Variants in CR1 observed in about 807,000 individuals in gnomAD.
CR1 encodes complement receptor type 1.
A neutral mutation model predicts 187.3 loss-of-function variants in CR1; 116 were observed. The ratio of observed to expected loss-of-function variants is 0.62; its 90% CI spans 0.53 to 0.72. CR1 has a LOEUF of 0.72. CR1 is among the 30% of genes least tolerant of loss of function. CR1 has a pLI of 0.00. For synonymous variants in CR1, 576 were observed against 747.1 expected, an observed-to-expected ratio of 0.77 and a Z score of 3.73; for missense variants, 1,731 against 2,110.7, an observed-to-expected ratio of 0.82 and a Z score of 3.52.
chr1:207,577,856 C>G lies in CR1; in HGVS notation c.4589C>G (p.Thr1530Ser). The G allele has an allele frequency of 6.2e-7, 1 of 1,613,864 alleles. No individual in the cohort carries two copies. Among genetic ancestry groups the G allele is most frequent in the Non-Finnish European group, 8.5e-7 (1 of 1,179,864 alleles). ...ATCGCCAATGGAGATTTCATTAGCA[C>G]CAACAGAGAGAATTTTCACTATGGA... is the stretch of plus-strand genomic sequence containing the variant. ...PTIANGDFIS[T>S]NRENFHYGSV... Residue 1530 changes from threonine to serine, a missense_variant, in exon 29 of 47, where the codon ACC becomes AGC. Physicochemically the swap from Thr to Ser is moderately conservative, Grantham distance 58. This residue lies in a region of CR1 where 1,312 missense variants were observed against 1,379.6 expected (regional missense o/e 0.95). Coordinates refer to ENST00000367049, the MANE Select transcript of CR1 (RefSeq NM_000651.6).
At chr1:207,629,844 A>T (rs1443041933) in intron 45 of CR1, among the ~76,000 whole-genome samples, 1 of 152,198 alleles carries the variant, frequency 6.6e-6, no homozygotes, top group Non-Finnish European at 1.5e-5. Context: ...CTCACTCTCT[A>T]TGAGACCCTG....
At chr1:207,626,977 G>A (rs1238975035) in intron 45 of CR1, among the ~76,000 whole-genome samples, 1 of 152,164 alleles carries the variant, frequency 6.6e-6, no homozygotes, top group Non-Finnish European at 1.5e-5. Context: ...GGTGGAGGTT[G>A]CAGTGAGTTG....
At chr1:207,582,928 T>G (rs1661001779) in intron 32 of CR1, among the ~76,000 whole-genome samples, 1 of 152,292 alleles carries the variant, frequency 6.6e-6, no homozygotes, top group Middle Eastern at 3.4e-3. Context: ...GCTTGGGACA[T>G]AACTTTAGTG....
chr1:207,619,341 C>G (rs1662243423), intron 42 of CR1, among the ~76,000 whole-genome samples: 1 of 145,752 alleles, frequency 6.9e-6, no homozygotes, highest in African/African-American at 2.6e-5. Context: ...CCAGATCGCG[C>G]CACTGCACTC....
intron 32 of CR1, among the ~76,000 whole-genome samples, chr1:207,582,561 A>T (rs543269574): frequency 2.0e-5 from 3 of 152,230 alleles, no homozygotes; most frequent in African/African-American, 7.2e-5. Context: ...TAATTGAGTC[A>T]GTGCTGTCAA....
intron 1 of CR1, among the ~76,000 whole-genome samples, chr1:207,499,862 T>G (rs942958975): frequency 1.7e-4 from 26 of 152,286 alleles, no homozygotes; most frequent in African/African-American, 6.0e-4. Flanking sequence ...AAAATAAGCT[T>G]CACATTTGGA....
rs1659081832 is a variant in CR1, at chr1:207,496,360, G to A, written c.93G>A (p.Val31=). The change falls in exon 1 of 47, where the codon GTG becomes GTA. Residue 31 remains valine, a synonymous_variant. Coordinates refer to ENST00000367049, the MANE Select transcript of CR1 (RefSeq NM_000651.6). ...FCCGGSLLAV[V]VLLALPVAWG... Reference sequence around the variant, plus strand: ...GCGGAGGATCCCTGCTGGCGGTTGTGGTGCTGCTTGCGCTGCCGGTGGCCT... The same window carrying A: ...GCGGAGGATCCCTGCTGGCGGTTGTAGTGCTGCTTGCGCTGCCGGTGGCCT... 6.2e-7 allele frequency: 1 copy of A among 1,611,738 alleles called. No homozygotes were observed. The highest frequency in any genetic ancestry group is 8.5e-7 in the Non-Finnish European group (1 of 1,179,386).
At chr1:207,607,974 T>C (rs1661801471) in intron 36 of CR1, among the ~76,000 whole-genome samples, 1 of 152,180 alleles carries the variant, frequency 6.6e-6, no homozygotes. Context: ...GCAGCAAAAG[T>C]AGGCACAGAC....
intron 31 of CR1, among the ~76,000 whole-genome samples, chr1:207,581,495 A>G (rs931221128): frequency 9.9e-6 from 1 of 100,980 alleles, no homozygotes; most frequent in African/African-American, 3.6e-5. Context: ...ATTTGCAGAC[A>G]TGAAGAGATA....
chr1:207,634,765 A>G (rs1309140665), intron 46 of CR1, among the ~76,000 whole-genome samples: 1 of 152,172 alleles, frequency 6.6e-6, no homozygotes, highest in Non-Finnish European at 1.5e-5. Context: ...TCTTAACTGT[A>G]AGTAGAAGAG....
At position 207,641,269 on chromosome 1, in the gene CR1, C is replaced by T. The variant is rs931891056; in HGVS notation, c.*1860C>T. ...ATTTCCCATTACAAGAAAAAAAAATCCTGTGTTCTTTTTTTTTTCCAGAAT... is the reference window on the plus strand; with the variant it reads ...ATTTCCCATTACAAGAAAAAAAAATTCTGTGTTCTTTTTTTTTTCCAGAAT... On this transcript the variant is annotated 3_prime_UTR_variant, in exon 47 of 47. Transcript: ENST00000367049. The T allele has an allele frequency of 6.6e-6, 1 of 151,740 alleles. No homozygotes were observed. The highest frequency in any genetic ancestry group is 2.4e-5 in the African/African-American group (1 of 41,342). 9.4% of individuals were successfully genotyped at this position (151,740 alleles called of 1,614,324 possible).
At chr1:207,633,755 G>A (rs988249216) in intron 46 of CR1, among the ~76,000 whole-genome samples, 2 of 152,186 alleles carry the variant, frequency 1.3e-5, no homozygotes, top group Non-Finnish European at 2.9e-5. Context: ...AATTTTTCAT[G>A]CACGTCCCTG....
chr1:207,503,770 A>C lies in CR1; in HGVS notation c.122-2134A>C, dbSNP rs189178638. 2.6e-5 allele frequency among the ~76,000 whole-genome samples: 4 copies of C among 152,332 alleles called. No homozygotes were observed. The East Asian group carries it at 7.7e-4, about 29-fold the overall frequency. ...GGATCAGAACATGGATATCTCTGAGAGGTCCTTACTTAGCCTACCACACCT... is the reference window on the plus strand; with the variant it reads ...GGATCAGAACATGGATATCTCTGAGCGGTCCTTACTTAGCCTACCACACCT... On this transcript the variant is annotated intron_variant, in intron 1 of 46. Coordinates refer to ENST00000367049, the MANE Select transcript of CR1 (RefSeq NM_000651.6).
intron 4 of CR1, among the ~76,000 whole-genome samples, chr1:207,512,314 G>A (rs975955038): frequency 6.6e-6 from 1 of 152,138 alleles, no homozygotes; most frequent in Non-Finnish European, 1.5e-5. Context: ...ACATAAAACA[G>A]CTATGCAGAA....
intron 35 of CR1, among the ~76,000 whole-genome samples, chr1:207,604,763 G>GA (rs1378591353): frequency 6.6e-6 from 1 of 152,138 alleles, no homozygotes; most frequent in South Asian, 2.1e-4. Context: ...GCTAGGCACA[G>GA]AAAAACTAAT....
At chr1:207,575,515 T>A in intron 27 of CR1, 80 bp from the exon 28 acceptor site, 1 of 1,574,082 alleles carries the variant, frequency 6.4e-7, no homozygotes. Context: ...TTGTAATCCT[T>A]CTGGTTTGCC....
intron 4 of CR1, among the ~76,000 whole-genome samples, chr1:207,512,571 T>G (rs1047417302): frequency 6.6e-6 from 1 of 152,250 alleles, no homozygotes; most frequent in Non-Finnish European, 1.5e-5. Context: ...CTGGACTCCT[T>G]TACTTTTCTT....
chr1:207,634,929 T>C (rs567408401), intron 46 of CR1, among the ~76,000 whole-genome samples: 2 of 152,210 alleles, frequency 1.3e-5, no homozygotes, highest in Non-Finnish European at 2.9e-5. Context: ...GGCTGTTTAG[T>C]AGCTCAACTC....
intron 1 of CR1, among the ~76,000 whole-genome samples, chr1:207,496,795 A>G (rs1659102248): frequency 2.6e-5 from 4 of 152,208 alleles, no homozygotes. Flanking sequence ...CTTAACTGTG[A>G]GGCAACTTAG....
Sources: allele counts gnomAD v4.1 joint callset (sites outside exome capture counted in the v4.1 genomes callset), GRCh38; gene constraint gnomAD v4.1.1; regional missense constraint gnomAD v4.1.1; transcripts MANE v1.5; gene names NCBI Gene and HGNC (gene_info 2026-07-23, HGNC 2026-07-21).